Variants in SDK1 observed in about 807,000 individuals in gnomAD.
SDK1 encodes sidekick cell adhesion molecule 1, also known as protein sidekick-1.
SDK1 carries 157 observed loss-of-function variants against 245.5 expected under a neutral mutation model. The ratio of observed to expected loss-of-function variants is 0.64; its 90% CI spans 0.56 to 0.73. SDK1 has a LOEUF of 0.73. Among genes scored for constraint, SDK1 ranks in the 30% least tolerant of loss-of-function variants. SDK1 has a pLI of 0.00. For synonymous variants in SDK1, 1,647 were observed against 1,278.5 expected, an observed-to-expected ratio of 1.29 and a Z score of -6.15; for missense variants, 3,583 against 3,002.3, an observed-to-expected ratio of 1.19 and a Z score of -4.52.
intron 44 of SDK1, among the ~76,000 whole-genome samples, chr7:4,258,503 C>T (rs930781481): frequency 2.0e-5 from 3 of 152,168 alleles, no homozygotes; most frequent in African/African-American, 4.8e-5. Context: ...ATATAAATAG[C>T]GTTTCTCTAT....
chr7:4,079,887 C>G (rs757515282), intron 22 of SDK1, among the ~76,000 whole-genome samples: 2 of 152,152 alleles, frequency 1.3e-5, no homozygotes, highest in African/African-American at 2.4e-5. Flanking sequence ...TTTAAAAATT[C>G]TATATCACAA....
At chr7:3,883,547 C>G (rs1380398601) in intron 5 of SDK1, among the ~76,000 whole-genome samples, 1 of 152,138 alleles carries the variant, frequency 6.6e-6, no homozygotes, top group Non-Finnish European at 1.5e-5. Flanking sequence ...GTAACCAGGG[C>G]ACATGGGGAC....
intron 1 of SDK1, among the ~76,000 whole-genome samples, chr7:3,335,976 A>G (rs1203344119): frequency 2.0e-5 from 3 of 152,100 alleles, no homozygotes; most frequent in Non-Finnish European, 4.4e-5. Flanking sequence ...GAGAAATGAC[A>G]AGGGTGTCAG....
At chr7:3,981,567 T>C (rs572685710) in intron 13 of SDK1, among the ~76,000 whole-genome samples, 2 of 152,194 alleles carry the variant, frequency 1.3e-5, no homozygotes, top group East Asian at 3.9e-4. Context: ...AAAGGGAAAG[T>C]TATTGAAGGA....
intron 1 of SDK1, among the ~76,000 whole-genome samples, chr7:3,403,870 A>ATATATAT (rs1778977608): frequency 1.2e-5 from 1 of 84,752 alleles, no homozygotes; most frequent in Non-Finnish European, 2.4e-5. Flanking sequence ...TATATATATA[A>ATATATAT]TATATATATT....
chr7:3,619,417 T>C (rs1167329958), intron 2 of SDK1, among the ~76,000 whole-genome samples, 178 bp downstream of exon 2: 1 of 152,236 alleles, frequency 6.6e-6, no homozygotes, highest in Non-Finnish European at 1.5e-5. Flanking sequence ...CTGATATAGG[T>C]TGTACTTACA....
intron 5 of SDK1, among the ~76,000 whole-genome samples, chr7:3,837,023 T>C (rs1780042830): frequency 6.6e-6 from 1 of 152,152 alleles, no homozygotes; most frequent in Non-Finnish European, 1.5e-5. Context: ...CCGCTTCTTA[T>C]AAGGACCCCT....
At chr7:4,039,891 C>T (rs924840131) in intron 17 of SDK1, among the ~76,000 whole-genome samples, 2 of 151,118 alleles carry the variant, frequency 1.3e-5, no homozygotes, top group Non-Finnish European at 2.9e-5. Flanking sequence ...ACACCTAATA[C>T]CAGATAATAA....
chr7:4,268,568 A>G lies in SDK1; in HGVS notation c.*3184A>G. The G allele has an allele frequency of 7.5e-7, 1 of 1,340,426 alleles. No individual in the cohort carries two copies. The highest frequency in any genetic ancestry group is 9.9e-7 in the Non-Finnish European group (1 of 1,008,224). 83.0% of individuals were successfully genotyped at this position (1,340,426 alleles called of 1,614,324 possible). On this transcript the variant is annotated 3_prime_UTR_variant, in exon 45 of 45. Coordinates refer to ENST00000404826, the MANE Select transcript of SDK1 (RefSeq NM_152744.4). ...AGCCCCGGGAGGTGGCTCACTCTGT[A>G]CAGGTCTTCGGAGGCCGTGTTTGTA...
intron 35 of SDK1, among the ~76,000 whole-genome samples, chr7:4,194,225 C>CGTCTGT (rs1783410303): frequency 6.7e-6 from 1 of 150,326 alleles, no homozygotes; most frequent in Admixed American, 6.6e-5. Flanking sequence ...TATGTATACA[C>CGTCTGT]GTATGTGTAT....
chr7:3,577,543 CCTT>C (rs1335864157), intron 1 of SDK1, among the ~76,000 whole-genome samples: 7 of 151,974 alleles, frequency 4.6e-5, no homozygotes, highest in Non-Finnish European at 8.8e-5. Flanking sequence ...TCAAGGGTAA[CCTT>C]CTGTGCAGTA....
At chr7:3,722,241 A>G (rs973172493) in intron 4 of SDK1, among the ~76,000 whole-genome samples, 1 of 152,102 alleles carries the variant, frequency 6.6e-6, no homozygotes, top group Non-Finnish European at 1.5e-5. Context: ...GGTAGACTGT[A>G]CAGAAGAAGG....
chr7:3,819,353 CTTT>C (rs1427913714), intron 4 of SDK1, among the ~76,000 whole-genome samples: 2 of 151,250 alleles, frequency 1.3e-5, no homozygotes, highest in Non-Finnish European at 2.9e-5. Flanking sequence ...CTTTATGTAC[CTTT>C]TTATTTTCAA....
chr7:3,951,238 C>T lies in SDK1; in HGVS notation c.959+204C>T, dbSNP rs554602566. On this transcript the variant is annotated intron_variant, in intron 6 of 44. Transcript: ENST00000404826. ...TCCAGAGTCCCCCACTGCAACAGGG[C>T]GGTGCTTTCAATGCAGCTCTGGGTG... Among the ~76,000 whole-genome samples, 6 of 151,920 alleles carry T rather than the reference C, an allele frequency of 3.9e-5. No homozygotes were observed. In the South Asian group the frequency reaches 6.3e-4, roughly 16 times the overall value.
intron 1 of SDK1, among the ~76,000 whole-genome samples, chr7:3,561,170 C>CT (rs1356791006): frequency 2.0e-5 from 3 of 152,130 alleles, no homozygotes; most frequent in Admixed American, 1.3e-4. Flanking sequence ...GCCAGGAAAT[C>CT]TTTGCTTCAT....
chr7:3,986,016 C>T (rs556385763), intron 13 of SDK1, among the ~76,000 whole-genome samples: 3 of 152,046 alleles, frequency 2.0e-5, no homozygotes, highest in African/African-American at 4.8e-5. Context: ...TGCCTGGCAG[C>T]GTTTATGGAG....
chr7:3,975,352 G>A (rs35757911), intron 13 of SDK1, among the ~76,000 whole-genome samples: 17,242 of 152,196 alleles, frequency 0.11, 1,243 homozygotes, highest in South Asian at 0.16. Flanking sequence ...CACACCCAGC[G>A]CATCCGTCCC....
At position 3,553,673 on chromosome 7, in the gene SDK1, C is replaced by T. The variant is rs111292495; in HGVS notation, c.299-65407C>T. 2.1e-4 allele frequency among the ~76,000 whole-genome samples: 32 copies of T among 152,240 alleles called. 1 individual carries two copies. Among genetic ancestry groups the T allele is most frequent in the African/African-American group, 6.3e-4 (26 of 41,528 alleles). ...AGATACCCTTTTCCAGTGTGTGATA[C>T]CTGGGCTTCTGTGAAGCAATTGTTA... On this transcript the variant is annotated intron_variant, in intron 1 of 44. Transcript: ENST00000404826.
chr7:3,933,165 C>A (rs1359901962), intron 5 of SDK1, among the ~76,000 whole-genome samples: 2 of 125,276 alleles, frequency 1.6e-5, no homozygotes, highest in Non-Finnish European at 3.1e-5. Context: ...GGCTGGAGTA[C>A]AGTGGCTTGA....
Sources: gnomAD v4.1 joint callset for allele counts (sites outside exome capture counted in the v4.1 genomes callset) on GRCh38, gnomAD v4.1.1 for gene constraint, MANE v1.5 for transcripts, NCBI Gene and HGNC (gene_info 2026-07-23, HGNC 2026-07-21) for gene names.